The following ABCG1 variants were observed in gnomAD, a reference collection of about 807,000 sequenced individuals.
ABCG1 encodes ATP binding cassette subfamily G member 1.
In ABCG1, 29 loss-of-function variants were observed where a neutral mutation model predicts 69.2. That is an observed-to-expected ratio of 0.42 (90% CI 0.31 to 0.57). The LOEUF (loss-of-function observed/expected upper bound fraction) is 0.57, where lower values mean the gene tolerates loss of function less well. ABCG1 is among the 20% of genes least tolerant of loss of function. ABCG1 has a pLI of 0.15. For synonymous variants in ABCG1, 370 were observed against 374.8 expected (o/e 0.99, Z 0.15); for missense variants, 718 against 898.1 (o/e 0.80, Z 2.56).
intron 2 of ABCG1, among the ~76,000 whole-genome samples, chr21:42,240,493 C>T (rs780062539): frequency 1.3e-5 from 2 of 152,260 alleles, no homozygotes; most frequent in African/African-American, 2.4e-5. Flanking sequence ...CTTTGTCACC[C>T]AGTCTGGAGT....
intron 2 of ABCG1, chr21:42,260,156 T>C (rs1344505477): frequency 6.4e-7 from 1 of 1,550,568 alleles, no homozygotes; most frequent in East Asian, 2.4e-5. Flanking sequence ...ATGAGTTGTG[T>C]TGCTTCTCGG....
chr21:42,287,950 G>T lies in ABCG1; in HGVS notation c.1035G>T (p.Arg345=). The T allele has an allele frequency of 6.2e-6, 10 of 1,613,642 alleles. No homozygotes were observed. Among genetic ancestry groups the T allele is most frequent in the Non-Finnish European group, 8.5e-6 (10 of 1,179,710 alleles). The change falls in exon 9 of 15, where the codon CGG becomes CGT. Residue 345 remains arginine (R), a synonymous_variant. Transcript: ENST00000398449. The surrounding 1 kb of genome is among the most constrained non-coding windows in gnomAD (Gnocchi z 6.2). ...DQNSRLVRAV[R]EGMCDSDHKR... ...ACAGTCGGCTGGTGAGAGCGGTTCG[G>T]GAGGGCATGTGTGACTCAGACCACA...
intron 2 of ABCG1, among the ~76,000 whole-genome samples, chr21:42,263,440 T>C (rs1214047191): frequency 6.6e-6 from 1 of 152,202 alleles, no homozygotes; most frequent in African/African-American, 2.4e-5. Flanking sequence ...AGGGAGCTCC[T>C]AGGAGTGGGC....
chr21:42,254,609 G>T (rs144069625), intron 2 of ABCG1, among the ~76,000 whole-genome samples: 1 of 152,206 alleles, frequency 6.6e-6, no homozygotes, highest in Non-Finnish European at 1.5e-5. Flanking sequence ...ATTGATCAGC[G>T]CGTGGCTTTG....
chr21:42,288,216 C>G lies in ABCG1; in HGVS notation c.1128C>G (p.Ser376=), dbSNP rs763969215. ...FLWHRPSEED[S]SSMEGCHSFS... is the part of the protein sequence containing the mutation. The stretch of plus-strand genomic sequence containing the variant: ...CCTCTTGCGTGTGTCCTCAGGACTC[C>G]TCGTCCATGGAAGGCTGCCACAGCT... The change falls in exon 10 of 15, where the codon TCC becomes TCG. Residue 376 remains serine (S), a synonymous_variant. Coordinates refer to ENST00000398449, the MANE Select transcript of ABCG1 (RefSeq NM_016818.3). The surrounding 1 kb of genome is among the most constrained non-coding windows in gnomAD (Gnocchi z 4.8). 6.2e-7 allele frequency: 1 copy of G among 1,614,116 alleles called. No individual in the cohort carries two copies.
intron 2 of ABCG1, among the ~76,000 whole-genome samples, chr21:42,205,597 C>CA (rs538097170): frequency 0.01 from 1,180 of 117,608 alleles, 6 homozygotes; most frequent in African/African-American, 0.027. Context: ...GACTCCATCT[C>CA]AAAAAAAAAA....
Position 42,273,501 on chromosome 21 carries a change from C to G in ABCG1, c.537+66C>G. On this transcript the variant is annotated intron_variant, in intron 4 of 14. Coordinates refer to ENST00000398449, the MANE Select transcript of ABCG1 (RefSeq NM_016818.3). The surrounding 1 kb of genome is among the most constrained non-coding windows in gnomAD (Gnocchi z 5.3). ...CTGTCCCCAGCGCCCACATTAGACA[C>G]AGCACTGGCCGAGTGCCCAGCTGCG... is the stretch of plus-strand genomic sequence containing the variant. 6.5e-7 allele frequency: 1 copy of G among 1,547,450 alleles called. No homozygotes were observed. The highest frequency in any genetic ancestry group is 8.8e-7 in the Non-Finnish European group (1 of 1,142,228).
At chr21:42,282,122 C>G in intron 5 of ABCG1, 152 bp from the exon 6 acceptor site, 1 of 1,016,578 alleles carries the variant, frequency 9.8e-7, no homozygotes. Flanking sequence ...ACTGGGCAGC[C>G]TGGAGTGGGT....
At chr21:42,270,405 C>T (rs966492523) in intron 2 of ABCG1, among the ~76,000 whole-genome samples, 2 of 151,824 alleles carry the variant, frequency 1.3e-5, no homozygotes, top group Admixed American at 1.3e-4. Context: ...TGCAGCTTTT[C>T]CCCTTTTATA....
intron 2 of ABCG1, among the ~76,000 whole-genome samples, chr21:42,232,270 C>T (rs1036643473): frequency 6.6e-6 from 1 of 152,216 alleles, no homozygotes; most frequent in Non-Finnish European, 1.5e-5. Flanking sequence ...GCTTCATATC[C>T]AAGGGGTCTA....
chr21:42,243,850 A>T (rs1203095665), intron 2 of ABCG1, among the ~76,000 whole-genome samples: 3 of 112,400 alleles, frequency 2.7e-5, no homozygotes, highest in Non-Finnish European at 5.0e-5. Flanking sequence ...ACGGAGTCTC[A>T]CTCTGTCGCC....
chr21:42,263,700 G>A (rs951108586), intron 2 of ABCG1, among the ~76,000 whole-genome samples: 3 of 152,184 alleles, frequency 2.0e-5, no homozygotes, highest in Non-Finnish European at 1.5e-5. Context: ...CAAGACAGAC[G>A]GAGCCAGCAA....
At chr21:42,245,455 AAAC>A (rs911647142) in intron 2 of ABCG1, among the ~76,000 whole-genome samples, 2 of 152,226 alleles carry the variant, frequency 1.3e-5, no homozygotes, top group African/African-American at 4.8e-5. Flanking sequence ...GCTTAACCCC[AAAC>A]AACATCTTAA....
intron 10 of ABCG1, among the ~76,000 whole-genome samples, chr21:42,289,546 G>A (rs184959817): frequency 1.1e-4 from 17 of 152,200 alleles, no homozygotes; most frequent in African/African-American, 2.4e-4. Flanking sequence ...GTGAATACGC[G>A]GGAACCATAA....
Position 42,284,678 on chromosome 21 carries a change from G to A in ABCG1, c.853G>A (p.Asp285Asn), listed in dbSNP as rs1311117859. ...CAGCGCCAAACTCTTCGAGCTGTTC[G>A]ACCAGGTACGCGGGCCCCGGGCCCT... ...QPSAKLFELFDQLYVLSQGQC... is the reference protein window; with the variant it reads ...QPSAKLFELFNQLYVLSQGQC... Residue 285 changes from aspartate (D) to asparagine (N), a missense_variant, in exon 7 of 15, where the codon GAC (aspartate) becomes AAC (asparagine). Asp to Asn is a conservative substitution (Grantham distance 23). This residue lies in a region of ABCG1 where 514 missense variants were observed against 574.3 expected (regional missense o/e 0.90). Transcript: ENST00000398449. The A allele has an allele frequency of 1.4e-5, 22 of 1,612,956 alleles. No homozygotes were observed. The highest frequency in any genetic ancestry group is 4.0e-5 in the African/African-American group (3 of 75,042).
At chr21:42,292,635 C>T (rs1276410400) in intron 13 of ABCG1, among the ~76,000 whole-genome samples, 1 of 151,700 alleles carries the variant, frequency 6.6e-6, no homozygotes, top group African/African-American at 2.4e-5. Flanking sequence ...ACACATACCA[C>T]ACTACACACA....
chr21:42,293,799 A>C (rs1237648177), intron 13 of ABCG1, among the ~76,000 whole-genome samples: 2 of 150,116 alleles, frequency 1.3e-5, no homozygotes, highest in African/African-American at 4.9e-5. Flanking sequence ...CACACTACAC[A>C]CTACATGCTA....
At chr21:42,230,853 G>A (rs2067891159) in intron 2 of ABCG1, among the ~76,000 whole-genome samples, 1 of 152,218 alleles carries the variant, frequency 6.6e-6, no homozygotes, top group Non-Finnish European at 1.5e-5. Context: ...TCTTCCTGTG[G>A]AAACCTGTGA....
rs368888803 is a variant in ABCG1, at chr21:42,288,119, C to G, written c.1122+82C>G. 14 of 1,610,562 alleles carry G rather than the reference C, an allele frequency of 8.7e-6. No homozygotes were observed. Among genetic ancestry groups the G allele is most frequent in the Non-Finnish European group, 1.2e-5 (14 of 1,177,096 alleles). On this transcript the variant is annotated intron_variant, in intron 9 of 14. Transcript: ENST00000398449. This position sits in a 1 kb window ranked among gnomAD's most constrained non-coding sequence, Gnocchi z 4.8. ...CCCTGGGGGAGGCTGCACGTGGCAC[C>G]GTGCACTGCTGCATGAGAGCTCTTT... is the stretch of plus-strand genomic sequence containing the variant.
Sources: gnomAD v4.1 joint callset for allele counts (sites outside exome capture counted in the v4.1 genomes callset) on GRCh38, gnomAD v4.1.1 for gene constraint, gnomAD v4.1.1 regional missense constraint, Gnocchi (gnomAD v3.1) non-coding constraint, MANE v1.5 for transcripts, NCBI Gene and HGNC (gene_info 2026-07-23, HGNC 2026-07-21) for gene names.